The following MOV10L1 variants were observed in gnomAD, a reference collection of about 807,000 sequenced individuals.
MOV10L1 encodes RNA helicase Mov10l1.
In MOV10L1, 110 loss-of-function variants were observed where a neutral mutation model predicts 143.8. The observed-to-expected ratio is 0.76, with a 90% CI of 0.66 to 0.90. The LOEUF (loss-of-function observed/expected upper bound fraction) is 0.90. Ranked by LOEUF, MOV10L1 falls within the 40% of genes least tolerant of loss-of-function variation. MOV10L1 has a pLI of 0.00. For synonymous variants in MOV10L1, 593 were observed against 581.1 expected, an observed-to-expected ratio of 1.02 and a Z score of -0.29; for missense variants, 1,406 against 1,526.8, an observed-to-expected ratio of 0.92 and a Z score of 1.32.
rs1260940782 is a variant in MOV10L1, at chr22:50,143,116, A to G, written c.2253A>G (p.Leu751=). ...CAGTGCTAAATGAAAATCAGAAGTTAGCAGTTAAAAGGATTCTGAGTGGTG... is the reference window on the plus strand; with the variant it reads ...CAGTGCTAAATGAAAATCAGAAGTTGGCAGTTAAAAGGATTCTGAGTGGTG... ...FNPVLNENQK[L]AVKRILSGDC... Residue 751 remains leucine, a synonymous_variant, in exon 17 of 27, where the codon TTA becomes TTG. Coordinates refer to ENST00000262794, the MANE Select transcript of MOV10L1 (RefSeq NM_018995.3). 1 of 1,614,244 alleles carries G rather than the reference A, an allele frequency of 6.2e-7. No homozygotes were observed. Among genetic ancestry groups the G allele is most frequent in the Middle Eastern group, 1.6e-4 (1 of 6,062 alleles).
chr22:50,101,143 G>A (rs1000953517), intron 3 of MOV10L1, among the ~76,000 whole-genome samples: 3 of 152,110 alleles, frequency 2.0e-5, no homozygotes, highest in African/African-American at 7.2e-5. Flanking sequence ...GGGGTGGGAG[G>A]TCTGGGGGGT....
intron 5 of MOV10L1, 47 bp from the exon 6 acceptor site, chr22:50,113,601 G>A (rs1280526258): frequency 6.3e-7 from 1 of 1,599,546 alleles, no homozygotes; most frequent in Non-Finnish European, 8.5e-7. Context: ...GGCGAGGAAG[G>A]GGTGGTGCTG....
In MOV10L1 at chr22:50,160,676, G is replaced by C. The variant is rs912588783; in HGVS notation, c.3325-12G>C. The C allele has an allele frequency of 2.5e-6, 4 of 1,610,460 alleles. No homozygotes were observed. Among genetic ancestry groups the C allele is most frequent in the Admixed American group, 1.7e-5 (1 of 59,452 alleles). On this transcript the variant is annotated splice_polypyrimidine_tract_variant and intron_variant, in intron 24 of 26. Coordinates refer to ENST00000262794, the MANE Select transcript of MOV10L1 (RefSeq NM_018995.3). ...TCAAGTGCCATTTTTATTCATCTCT[G>C]TGTGCTTTTAGGTACGGTCAAATGA...
In MOV10L1 at chr22:50,158,155, C is replaced by T. The variant is rs747494415; in HGVS notation, c.3165C>T (p.Ser1055=). ...GCTGCCTCCTGGCCCACAGCATCTC[C>T]AGTCAGGTGTCTGCCAGCGACATTG... The part of the protein sequence containing the change: ...RYCCLLAHSI[S]SQVSASDIGV... The change falls in exon 23 of 27, where the codon TCC becomes TCT. Residue 1055 remains serine (S), a synonymous_variant. Coordinates refer to ENST00000262794, the MANE Select transcript of MOV10L1 (RefSeq NM_018995.3). This position sits in a 1 kb window ranked among gnomAD's most constrained non-coding sequence, Gnocchi z 5.0. 1 of 1,614,206 alleles carries T rather than the reference C, an allele frequency of 6.2e-7. No individual in the cohort carries two copies. Among genetic ancestry groups the T allele is most frequent in the South Asian group, 1.1e-5 (1 of 91,092 alleles).
intron 5 of MOV10L1, 96 bp downstream of exon 5, chr22:50,108,940 T>C: frequency 8.1e-7 from 1 of 1,228,718 alleles, no homozygotes; most frequent in Non-Finnish European, 1.2e-6. Context: ...AGGTTGGGAG[T>C]TCAAGACCAG....
intron 7 of MOV10L1, 118 bp downstream of exon 7, chr22:50,114,740 T>A: frequency 6.9e-7 from 1 of 1,439,438 alleles, no homozygotes; most frequent in Non-Finnish European, 9.4e-7. Context: ...TACAGTGCTT[T>A]GTGCTCTGAG....
intron 3 of MOV10L1, among the ~76,000 whole-genome samples, chr22:50,107,768 C>G (rs954910699): frequency 5.3e-5 from 8 of 152,198 alleles, no homozygotes; most frequent in Non-Finnish European, 1.2e-4. Context: ...AGGTGTCTCT[C>G]TGTTCCCGAA....
intron 19 of MOV10L1, among the ~76,000 whole-genome samples, chr22:50,146,371 C>A (rs1029397206): frequency 6.6e-6 from 1 of 151,890 alleles, no homozygotes; most frequent in African/African-American, 2.4e-5. Flanking sequence ...TGTGGGGTGC[C>A]GGCTGTCATA....
intron 6 of MOV10L1, 124 bp downstream of exon 6, chr22:50,113,912 C>CTTTTTTTTTTTTTTTTT (rs67071955): frequency 4.1e-6 from 1 of 245,276 alleles, no homozygotes; most frequent in Non-Finnish European, 6.0e-6. Flanking sequence ...AAGATCTTTT[C>CTTTTTTTTTTTTTTTTT]TTTTTTTTTT....
At chr22:50,143,274 C>G (rs1352602435) in intron 17 of MOV10L1, 53 bp downstream of exon 17, 1 of 1,565,984 alleles carries the variant, frequency 6.4e-7, no homozygotes, top group South Asian at 1.1e-5. Flanking sequence ...GTTCATGTGT[C>G]GTCTGTGTCT....
Position 50,152,705 on chromosome 22 carries a change from C to T in MOV10L1, c.2893-340C>T, listed in dbSNP as rs73187217. 5.6e-3 allele frequency among the ~76,000 whole-genome samples: 845 copies of T among 152,238 alleles called. 6 individuals are homozygous for T. The highest frequency in any genetic ancestry group is 9.5e-3 in the Non-Finnish European group (644 of 67,994). On this transcript the variant is annotated intron_variant, in intron 21 of 26. Transcript: ENST00000262794. This position sits in a 1 kb window ranked among gnomAD's most constrained non-coding sequence, Gnocchi z 4.4. ...TTTCCAGGGTGAAGCTCTCAGCACA[C>T]GAGGGAGGCATCCACCTGCCCTCCA...
chr22:50,097,351 C>G (rs185134861), intron 2 of MOV10L1, among the ~76,000 whole-genome samples: 1 of 152,238 alleles, frequency 6.6e-6, no homozygotes, highest in East Asian at 1.9e-4. Context: ...TCAAGTGATC[C>G]GCCCATCCCA....
At chr22:50,103,080 G>A (rs2061786346) in intron 3 of MOV10L1, among the ~76,000 whole-genome samples, 2 of 152,150 alleles carry the variant, frequency 1.3e-5, no homozygotes, top group African/African-American at 4.8e-5. Flanking sequence ...AGCCGGCCTG[G>A]GTCAGGTTCT....
intron 3 of MOV10L1, among the ~76,000 whole-genome samples, chr22:50,102,765 G>A (rs1249342629): frequency 6.6e-6 from 1 of 152,168 alleles, no homozygotes; most frequent in Non-Finnish European, 1.5e-5. Context: ...GCTGGGCGTG[G>A]TGGTGCATGC....
At chr22:50,150,062 G>C (rs1293758025) in intron 20 of MOV10L1, among the ~76,000 whole-genome samples, 1 of 152,192 alleles carries the variant, frequency 6.6e-6, no homozygotes, top group Non-Finnish European at 1.5e-5. Context: ...TTGCCCCTCA[G>C]GCTGCCCTGG....
intron 16 of MOV10L1, among the ~76,000 whole-genome samples, chr22:50,142,562 T>C (rs1482465615): frequency 6.6e-6 from 1 of 152,010 alleles, no homozygotes; most frequent in African/African-American, 2.4e-5. Context: ...AGTGCAGGGC[T>C]CACACCTGTC....
chr22:50,160,551 C>A, intron 24 of MOV10L1, 137 bp from the exon 25 acceptor site: 1 of 1,159,236 alleles, frequency 8.6e-7, no homozygotes, highest in Non-Finnish European at 1.2e-6. Context: ...CGCGCCCGGC[C>A]TCCTGTTTCT....
At chr22:50,105,517 C>T (rs2061845395) in intron 3 of MOV10L1, among the ~76,000 whole-genome samples, 1 of 152,172 alleles carries the variant, frequency 6.6e-6, no homozygotes, top group Non-Finnish European at 1.5e-5. Context: ...CTCATTATTT[C>T]CTCCATTGTT....
chr22:50,150,831 A>G lies in MOV10L1; in HGVS notation c.2824A>G (p.Met942Val), dbSNP rs199998051. 76 of 1,614,042 alleles carry G rather than the reference A, an allele frequency of 4.7e-5. No individual in the cohort carries two copies. In the African/African-American group the frequency reaches 8.9e-4, roughly 19 times the overall value. ...GAACGTGTCCTTTTTGGAACGGCTG[A>G]TGTCTCGACCCGCGTACCAGAGGGA... ...GLNVSFLERL[M>V]SRPAYQRDEN... The change falls in exon 21 of 27, where the codon ATG becomes GTG. Residue 942 changes from methionine to valine, a missense_variant. Physicochemically the swap from Met to Val is conservative, Grantham distance 21. Coordinates refer to ENST00000262794, the MANE Select transcript of MOV10L1 (RefSeq NM_018995.3).
Sources: gnomAD v4.1 joint callset for allele counts (sites outside exome capture counted in the v4.1 genomes callset) on GRCh38, gnomAD v4.1.1 for gene constraint, Gnocchi (gnomAD v3.1) non-coding constraint, MANE v1.5 for transcripts, NCBI Gene and HGNC (gene_info 2026-07-23, HGNC 2026-07-21) for gene names.